The following RBL1 variants were observed in gnomAD, a reference collection of about 807,000 sequenced individuals.
RBL1 encodes retinoblastoma-like protein 1.
RBL1 carries 82 observed loss-of-function variants against 123.0 expected under a neutral mutation model. That is an observed-to-expected ratio of 0.67 (90% confidence interval 0.56 to 0.80). The LOEUF (loss-of-function observed/expected upper bound fraction) is 0.80, where lower values mean the gene tolerates loss of function less well. Among genes scored for constraint, RBL1 ranks in the 30% least tolerant of loss-of-function variants. The pLI is 0.00. For synonymous variants in RBL1, 405 were observed against 441.3 expected, an observed-to-expected ratio of 0.92 and a Z score of 1.03; for missense variants, 1,171 against 1,299.6, an observed-to-expected ratio of 0.90 and a Z score of 1.52.
Position 37,066,897 on chromosome 20 carries a change from T to A in RBL1, c.686-13A>T, listed in dbSNP as rs1412021596. On this transcript the variant is annotated splice_polypyrimidine_tract_variant and intron_variant, in intron 5 of 21. Coordinates refer to ENST00000373664, the MANE Select transcript of RBL1 (RefSeq NM_002895.5). Reference sequence around the variant, plus strand: ...TCAGATGGTAAACCTAGTTTGACAGTGTAGGAAGGGCAGAGGGAAAAAAAA... The same window carrying A: ...TCAGATGGTAAACCTAGTTTGACAGAGTAGGAAGGGCAGAGGGAAAAAAAA... 6.2e-7 allele frequency: 1 copy of A among 1,610,294 alleles called. No homozygotes were observed. The highest frequency in any genetic ancestry group is 8.5e-7 in the Non-Finnish European group (1 of 1,178,578).
At chr20:37,094,722 T>C (rs1286447940) in intron 1 of RBL1, among the ~76,000 whole-genome samples, 2 of 152,334 alleles carry the variant, frequency 1.3e-5, no homozygotes, top group Middle Eastern at 3.4e-3. Flanking sequence ...CTGCGGCCTA[T>C]GCCTCCTGGG....
chr20:37,019,489 T>C (rs1421680928), intron 18 of RBL1, among the ~76,000 whole-genome samples: 2 of 152,224 alleles, frequency 1.3e-5, no homozygotes, highest in African/African-American at 4.8e-5. Flanking sequence ...GCTCTGTTCC[T>C]GAGGGATTTT....
chr20:37,089,656 T>C (rs1267541546), intron 1 of RBL1, among the ~76,000 whole-genome samples: 1 of 148,222 alleles, frequency 6.7e-6, no homozygotes, highest in Admixed American at 6.7e-5. Flanking sequence ...AAATCCTGTC[T>C]CTTAAAAAAA....
chr20:37,056,358 T>C, intron 9 of RBL1, 100 bp from the exon 10 acceptor site: 20 of 1,303,196 alleles, frequency 1.5e-5, no homozygotes, highest in South Asian at 3.3e-5. Flanking sequence ...CTTCTTTTTT[T>C]TTTTTTTTTT....
Position 36,998,787 on chromosome 20 carries a change from T to C in RBL1, c.3179A>G (p.Asp1060Gly), listed in dbSNP as rs1468182963. ...NDDVLLKRLQ[D>G]VVSERANH is the part of the protein sequence containing the mutation. Reference sequence around the variant, plus strand: ...ATGATTTGCTCTTTCACTGACAACATCCTGTAGTCGTTTCAGTAAAACGTC... The same window carrying C: ...ATGATTTGCTCTTTCACTGACAACACCCTGTAGTCGTTTCAGTAAAACGTC... The change falls in exon 22 of 22, where the codon GAT (aspartate) becomes GGT (glycine). Residue 1060 changes from aspartate (D) to glycine (G), a missense_variant. Coordinates refer to ENST00000373664, the MANE Select transcript of RBL1 (RefSeq NM_002895.5). 6.8e-6 allele frequency: 11 copies of C among 1,613,162 alleles called. No individual in the cohort carries two copies. The highest frequency in any genetic ancestry group is 9.3e-6 in the Non-Finnish European group (11 of 1,179,658).
rs2063916830 is a variant in RBL1 at position 36,998,810 on chromosome 20, G to A, written c.3156C>T (p.Asp1052=). ...CATCCTGTAGTCGTTTCAGTAAAAC[G>A]TCATCATTTTCTTGACAGACGCGTT... ...PAKRVCQEND[D]VLLKRLQDVV... Residue 1052 remains aspartate (D), a synonymous_variant, in exon 22 of 22, where the codon GAC becomes GAT. Transcript: ENST00000373664. The A allele has an allele frequency of 1.2e-6, 2 of 1,613,392 alleles. No homozygotes were observed. The highest frequency in any genetic ancestry group is 1.3e-5 in the African/African-American group (1 of 74,900).
chr20:37,040,741 A>T (rs187281368), intron 13 of RBL1, among the ~76,000 whole-genome samples: 1 of 152,298 alleles, frequency 6.6e-6, no homozygotes, highest in Admixed American at 6.5e-5. Context: ...CTCAATTCTT[A>T]ATGTTAACGA....
intron 1 of RBL1, among the ~76,000 whole-genome samples, chr20:37,092,228 A>T (rs569849862): frequency 6.6e-6 from 1 of 152,328 alleles, no homozygotes; most frequent in African/African-American, 2.4e-5. Context: ...TCCAAGTATT[A>T]TAGAGCCTTT....
chr20:37,078,640 C>G (rs950828213), intron 2 of RBL1, among the ~76,000 whole-genome samples: 12 of 151,972 alleles, frequency 7.9e-5, no homozygotes, highest in African/African-American at 2.9e-4. Context: ...GAGGACATTA[C>G]GATAAGTGAA....
In RBL1 at chr20:37,005,898, T is replaced by C. The variant is rs867547567; in HGVS notation, c.2871+1513A>G. ...TTTTCTTTTTTTTTTTTCTTTCTTTTTTTTTTTTTTTTTTTGAGGCAGGGT... is the reference window on the plus strand; with the variant it reads ...TTTTCTTTTTTTTTTTTCTTTCTTTCTTTTTTTTTTTTTTTGAGGCAGGGT... On this transcript the variant is annotated intron_variant, in intron 20 of 21. Coordinates refer to ENST00000373664, the MANE Select transcript of RBL1 (RefSeq NM_002895.5). 4.5e-3 allele frequency among the ~76,000 whole-genome samples: 620 copies of C among 137,856 alleles called. 2 individuals carry two copies. Among genetic ancestry groups the C allele is most frequent in the Non-Finnish European group, 6.6e-3 (427 of 64,910 alleles). The allele number at this position is 137,856 out of a possible 152,430, so 90.4% of individuals were successfully genotyped here.
At chr20:37,054,764 A>G (rs1353239516) in intron 11 of RBL1, among the ~76,000 whole-genome samples, 6 of 151,886 alleles carry the variant, frequency 4.0e-5, no homozygotes, top group African/African-American at 1.5e-4. Flanking sequence ...CAGGAGATGG[A>G]GGTTGCAGTG....
At chr20:37,065,142 G>A (rs993132166) in intron 7 of RBL1, among the ~76,000 whole-genome samples, 3 of 152,084 alleles carry the variant, frequency 2.0e-5, no homozygotes, top group African/African-American at 7.2e-5. Context: ...ATGTTGCCCA[G>A]GCTGGTCTCC....
At chr20:37,085,294 A>C (rs2065523117) in intron 2 of RBL1, among the ~76,000 whole-genome samples, 1 of 151,252 alleles carries the variant, frequency 6.6e-6, no homozygotes, top group Admixed American at 6.6e-5. Flanking sequence ...AACCACGCCC[A>C]GCTAATTTTT....
chr20:37,069,173 G>C (rs1212785919), intron 2 of RBL1, among the ~76,000 whole-genome samples: 3 of 152,248 alleles, frequency 2.0e-5, no homozygotes, highest in Non-Finnish European at 4.4e-5. Context: ...GCAGTGGCGT[G>C]ATCTCGGCTC....
intron 13 of RBL1, among the ~76,000 whole-genome samples, chr20:37,040,671 CT>C (rs1015585245): frequency 1.3e-5 from 2 of 152,038 alleles, no homozygotes; most frequent in Admixed American, 6.6e-5. Flanking sequence ...GTTTTCTTAA[CT>C]TTTTTTTACT....
intron 20 of RBL1, among the ~76,000 whole-genome samples, chr20:37,005,224 T>C (rs2064051186): frequency 6.6e-6 from 1 of 151,918 alleles, no homozygotes; most frequent in Non-Finnish European, 1.5e-5. Flanking sequence ...CTGGCCAAGA[T>C]GGTGAAACTC....
In RBL1 at chr20:37,022,839, G is replaced by T. The variant is rs766317911; in HGVS notation, c.2383-13C>A. The T allele has an allele frequency of 4.4e-6, 7 of 1,585,420 alleles. No individual in the cohort carries two copies. In the African/African-American group the frequency reaches 9.5e-5, roughly 21 times the overall value. On this transcript the variant is annotated splice_polypyrimidine_tract_variant and intron_variant, in intron 16 of 21. Transcript: ENST00000373664. ...CCAAATGATAGACCTAAAATAGAAG[G>T]TAACACATTGATGCAAAACACCAAG...
At chr20:37,018,471 TTGTC>T (rs2064290882) in intron 18 of RBL1, 102 bp from the exon 19 acceptor site, 11 of 1,438,396 alleles carry the variant, frequency 7.6e-6, no homozygotes, top group Admixed American at 6.0e-5. Flanking sequence ...TAAAAACTAT[TTGTC>T]TGTATAAGTG....
intron 11 of RBL1, chr20:37,049,742 T>C (rs8183757): frequency 0.17 from 94,092 of 555,916 alleles, 10,083 homozygotes; most frequent in East Asian, 0.42. Flanking sequence ...TAAACTAACA[T>C]TTAAAAAAAT....
Sources: allele counts gnomAD v4.1 joint callset (sites outside exome capture counted in the v4.1 genomes callset), GRCh38; gene constraint gnomAD v4.1.1; transcripts MANE v1.5; gene names NCBI Gene and HGNC (gene_info 2026-07-23, HGNC 2026-07-21).